TMOD2: variants seen among roughly 807,000 people sequenced by gnomAD.
TMOD2 encodes the protein tropomodulin-2.
TMOD2 carries 22 observed loss-of-function variants against 39.9 expected under a neutral mutation model. That is an observed-to-expected ratio of 0.55 (90% confidence interval 0.39 to 0.79). The LOEUF (loss-of-function observed/expected upper bound fraction) is 0.79, where lower values mean the gene tolerates loss of function less well. Ranked by LOEUF, TMOD2 falls within the 30% of genes least tolerant of loss-of-function variation. TMOD2 has a pLI of 0.00. For missense variants in TMOD2, 386 were observed against 413.3 expected (o/e 0.93, Z 0.57); for synonymous variants, 123 against 146.1 (o/e 0.84, Z 1.14).
chr15:51,772,200 T>C (rs2055858145), intron 3 of TMOD2, among the ~76,000 whole-genome samples: 1 of 152,128 alleles, frequency 6.6e-6, no homozygotes, highest in South Asian at 2.1e-4. Context: ...TGGAGAGAAC[T>C]TGGGTCCCAA....
intron 1 of TMOD2, among the ~76,000 whole-genome samples, chr15:51,765,163 G>C (rs544296866): frequency 2.0e-5 from 3 of 152,140 alleles, no homozygotes; most frequent in African/African-American, 4.8e-5. Flanking sequence ...ACCACACCCA[G>C]CTAATTTTTG....
At chr15:51,762,715 C>G (rs1595862411) in intron 1 of TMOD2, among the ~76,000 whole-genome samples, 4 of 152,172 alleles carry the variant, frequency 2.6e-5, no homozygotes, top group African/African-American at 7.2e-5. Context: ...TCCCACCTCT[C>G]TCCCATGCCT....
chr15:51,788,814 T>C (rs1201586413), intron 7 of TMOD2, among the ~76,000 whole-genome samples: 1 of 152,170 alleles, frequency 6.6e-6, no homozygotes, highest in East Asian at 1.9e-4. Context: ...TGCTAAGATA[T>C]TTTGTCACCA....
rs67747535 is a variant in TMOD2 at position 51,768,461 on chromosome 15, T to TC, written c.283+43_283+44insC. 6 of 720,496 alleles carry TC rather than the reference T, an allele frequency of 8.3e-6. No individual in the cohort carries two copies. The African/African-American group carries it at 1.2e-4, about 14-fold the overall frequency. 44.6% of individuals were successfully genotyped at this position (720,496 alleles called of 1,614,324 possible). On this transcript the variant is annotated intron_variant, in intron 3 of 9. Coordinates refer to ENST00000249700, the MANE Select transcript of TMOD2 (RefSeq NM_014548.4). Reference sequence around the variant, plus strand: ...AGCATCTTGGAACAGAGGTTCTCTCTTTTTTTTTTTTGGAACGGAGGCACT... The same window carrying TC: ...AGCATCTTGGAACAGAGGTTCTCTCTCTTTTTTTTTTTGGAACGGAGGCACT...
intron 1 of TMOD2, among the ~76,000 whole-genome samples, chr15:51,756,104 C>T (rs984788845): frequency 6.6e-6 from 1 of 152,100 alleles, no homozygotes; most frequent in Non-Finnish European, 1.5e-5. Context: ...AACACAGGGA[C>T]AAGACAACAG....
intron 7 of TMOD2, among the ~76,000 whole-genome samples, chr15:51,795,563 CTGCTTGCTTGCTTGCTTTCT>C (rs2056042950): frequency 3.6e-5 from 3 of 82,826 alleles, no homozygotes; most frequent in African/African-American, 1.7e-4. Context: ...TTCTTCTCTT[CTGCTTGCTTGCTTGCTTTCT>C]TTCTTTCTTT....
intron 5 of TMOD2, among the ~76,000 whole-genome samples, chr15:51,779,474 G>A (rs1045266671): frequency 4.6e-5 from 7 of 151,366 alleles, no homozygotes; most frequent in Non-Finnish European, 7.4e-5. Flanking sequence ...TCTGCCTCCC[G>A]GGTTCATGCC....
intron 8 of TMOD2, among the ~76,000 whole-genome samples, chr15:51,803,161 A>G (rs1211724484): frequency 7.0e-6 from 1 of 142,404 alleles, no homozygotes; most frequent in Non-Finnish European, 1.5e-5. Flanking sequence ...TTGGGTCTCT[A>G]TATCTTCTTT....
intron 7 of TMOD2, among the ~76,000 whole-genome samples, chr15:51,794,327 A>T (rs1197882760): frequency 3.9e-5 from 6 of 152,220 alleles, no homozygotes; most frequent in Non-Finnish European, 7.3e-5. Flanking sequence ...TTTCCACTGT[A>T]AAAACAATTA....
chr15:51,765,220 C>T (rs879547931), intron 1 of TMOD2, among the ~76,000 whole-genome samples: 10 of 152,198 alleles, frequency 6.6e-5, no homozygotes, highest in Non-Finnish European at 1.5e-4. Context: ...AGGCTGGTCT[C>T]AAACTCCTGA....
chr15:51,768,158 T>C, intron 2 of TMOD2, 104 bp from the exon 3 acceptor site: 1 of 1,346,212 alleles, frequency 7.4e-7, no homozygotes, highest in Non-Finnish European at 1.0e-6. Context: ...TGCGTAGGTA[T>C]CCTTCCTGCT....
intron 7 of TMOD2, among the ~76,000 whole-genome samples, chr15:51,793,286 G>GT (rs1036013031): frequency 1.4e-4 from 22 of 152,278 alleles, no homozygotes; most frequent in African/African-American, 5.3e-4. Context: ...TGGAACCATC[G>GT]TAAGTCAGGG....
chr15:51,773,338 G>A (rs1247172687), intron 3 of TMOD2, among the ~76,000 whole-genome samples: 1 of 152,206 alleles, frequency 6.6e-6, no homozygotes, highest in Non-Finnish European at 1.5e-5. Context: ...CCCCTGGAGG[G>A]GAGAGGTACA....
At chr15:51,754,193 G>C (rs2055726765) in intron 1 of TMOD2, among the ~76,000 whole-genome samples, 1 of 152,114 alleles carries the variant, frequency 6.6e-6, no homozygotes, top group Admixed American at 6.5e-5. Flanking sequence ...CCCTACCCAA[G>C]AACCATCCCG....
In TMOD2 at chr15:51,792,110, C is replaced by T. The variant is rs149860805; in HGVS notation, c.733-6087C>T. Among the ~76,000 whole-genome samples, 1,409 of 152,240 alleles carry T rather than the reference C, an allele frequency of 9.3e-3. 15 individuals are homozygous for T. Among genetic ancestry groups the T allele is most frequent in the African/African-American group, 0.019 (773 of 41,526 alleles). On this transcript the variant is annotated intron_variant, in intron 7 of 9. Transcript: ENST00000249700. ...TGGGAGAAAAAAATTTGCAATCTAT[C>T]CATCTGACAAAGGGCTAATATCCAG...
intron 1 of TMOD2, among the ~76,000 whole-genome samples, chr15:51,752,256 CTTATTA>C (rs1357842798): frequency 2.0e-5 from 3 of 152,100 alleles, no homozygotes; most frequent in Non-Finnish European, 2.9e-5. Flanking sequence ...CCTCGAGAAC[CTTATTA>C]TTATTGTTAT....
Position 51,766,507 on chromosome 15 carries a change from C to A in TMOD2, c.66C>A (p.Gly22=). Residue 22 remains glycine, a synonymous_variant, in exon 2 of 10, where the codon GGC becomes GGA. Transcript: ENST00000249700. ...ACATTGATGAAGATGAGCTTCTTGG[C>A]AAACTCTCAGAAGAGGAACTGAAAC... ...YKNIDEDELL[G]KLSEEELKQL... 6.2e-7 allele frequency: 1 copy of A among 1,613,938 alleles called. No homozygotes were observed.
intron 1 of TMOD2, among the ~76,000 whole-genome samples, chr15:51,763,200 A>G (rs2055793577): frequency 6.6e-6 from 1 of 152,204 alleles, no homozygotes; most frequent in Admixed American, 6.5e-5. Flanking sequence ...CAGCCTCCCA[A>G]AACATTGGGA....
At chr15:51,800,531 G>A (rs2056080338) in intron 8 of TMOD2, among the ~76,000 whole-genome samples, 1 of 151,414 alleles carries the variant, frequency 6.6e-6, no homozygotes, top group Non-Finnish European at 1.5e-5. Context: ...GCAAGACCGT[G>A]TCTCAAAAAA....
Sources: gnomAD v4.1 joint callset for allele counts (sites outside exome capture counted in the v4.1 genomes callset) on GRCh38, gnomAD v4.1.1 for gene constraint, MANE v1.5 for transcripts, NCBI Gene and HGNC (gene_info 2026-07-23, HGNC 2026-07-21) for gene names.